The following NEK9 variants were observed in gnomAD, a reference collection of about 807,000 sequenced individuals.
The protein encoded by NEK9 is serine/threonine-protein kinase Nek9.
A neutral mutation model predicts 123.4 loss-of-function variants in NEK9; 75 were observed. The ratio of observed to expected loss-of-function variants is 0.61; its 90% CI spans 0.50 to 0.74. NEK9 has a LOEUF of 0.74. Ranked by LOEUF, NEK9 falls within the 30% of genes least tolerant of loss-of-function variation. NEK9 has a pLI of 0.00. For synonymous variants in NEK9, 438 were observed against 458.7 expected (o/e 0.95, Z 0.58); for missense variants, 952 against 1,214.4 (o/e 0.78, Z 3.21).
At chr14:75,111,323 C>T (rs1894952554) in intron 8 of NEK9, among the ~76,000 whole-genome samples, 1 of 152,188 alleles carries the variant, frequency 6.6e-6, no homozygotes, top group African/African-American at 2.4e-5. Context: ...GCTCAGGCAT[C>T]AGTACTTTTT....
At chr14:75,093,617 C>G (rs1894288802) in intron 18 of NEK9, among the ~76,000 whole-genome samples, 1 of 152,060 alleles carries the variant, frequency 6.6e-6, no homozygotes, top group South Asian at 2.1e-4. Flanking sequence ...CCATGCCTGG[C>G]TAATTTTTTT....
At chr14:75,088,744 C>T (rs1894109245) in intron 19 of NEK9, 103 bp from the exon 20 acceptor site, 2 of 1,045,198 alleles carry the variant, frequency 1.9e-6, no homozygotes, top group South Asian at 1.6e-5. Flanking sequence ...GACTTCAGCA[C>T]CCTCTAGTGG....
chr14:75,124,247 G>A (rs746356216), intron 1 of NEK9, 24 bp from the exon 2 acceptor site: 16 of 1,600,980 alleles, frequency 1.0e-5, no homozygotes, highest in Middle Eastern at 3.3e-4. Flanking sequence ...CAGAGGTATC[G>A]TGCTTTTCCT....
intron 8 of NEK9, among the ~76,000 whole-genome samples, chr14:75,113,027 A>G (rs1461442075): frequency 3.9e-5 from 6 of 152,180 alleles, no homozygotes; most frequent in African/African-American, 7.2e-5. Flanking sequence ...AGATACAAAC[A>G]TAAGGATGTC....
In NEK9 at chr14:75,084,430, G is replaced by C; in HGVS notation, c.*134C>G. 3.0e-6 allele frequency: 3 copies of C among 987,392 alleles called. No individual in the cohort carries two copies. Among genetic ancestry groups the C allele is most frequent in the South Asian group, 3.1e-5 (2 of 65,370 alleles). 61.2% of individuals were successfully genotyped at this position (987,392 alleles called of 1,614,324 possible). A position where few individuals can be genotyped will look rare whatever the true frequency, so the allele number is the denominator to read the frequency against. ...GCCACTCTCCAAATGTACAAGGAAA[G>C]TGCTTCAGAGCCTCTGCCTTGCGCT... On this transcript the variant is annotated 3_prime_UTR_variant, in exon 22 of 22. Coordinates refer to ENST00000238616, the MANE Select transcript of NEK9 (RefSeq NM_033116.6).
In NEK9 at chr14:75,106,625, G is replaced by A. The variant is rs1445046206; in HGVS notation, c.1405C>T (p.Leu469=). ...GVDKVAGPEV[L]EPMQLNFFLS... is the part of the protein sequence containing the mutation. ...AAGAAGTTCAGCTGCATGGGTTCTA[G>A]CACTTCAGGGCCAGCAACTTTGTCC... Residue 469 remains leucine, a synonymous_variant, in exon 12 of 22, where the codon CTA becomes TTA. Transcript: ENST00000238616. 6.2e-7 allele frequency: 1 copy of A among 1,614,076 alleles called. No homozygotes were observed. Among genetic ancestry groups the A allele is most frequent in the South Asian group, 1.1e-5 (1 of 91,086 alleles).
chr14:75,090,138 C>T (rs992060573), intron 19 of NEK9, among the ~76,000 whole-genome samples: 15 of 151,414 alleles, frequency 9.9e-5, no homozygotes, highest in African/African-American at 3.6e-4. Context: ...TGGCCCTGGC[C>T]TTATTTTTTT....
chr14:75,107,244 T>C, intron 11 of NEK9, 99 bp downstream of exon 11: 2 of 1,267,270 alleles, frequency 1.6e-6, no homozygotes, highest in South Asian at 1.4e-5. Flanking sequence ...GTTCTTTGTA[T>C]ACTGTCTTTT....
intron 8 of NEK9, among the ~76,000 whole-genome samples, chr14:75,113,131 C>T (rs985744552): frequency 1.3e-5 from 2 of 152,266 alleles, no homozygotes; most frequent in Middle Eastern, 3.4e-3. Context: ...TCTTGGGCCT[C>T]ATTAGTACAA....
chr14:75,114,164 G>A, intron 7 of NEK9, 39 bp downstream of exon 7: 1 of 1,416,572 alleles, frequency 7.1e-7, no homozygotes, highest in Non-Finnish European at 1.0e-6. Flanking sequence ...GCTGGAAGGG[G>A]AAATACGAAA....
intron 5 of NEK9, 57 bp downstream of exon 5, chr14:75,118,773 G>A: frequency 2.0e-6 from 2 of 992,670 alleles, no homozygotes; most frequent in Non-Finnish European, 3.2e-6. Context: ...AGGGAGTACA[G>A]TTATATTTCA....
intron 1 of NEK9, among the ~76,000 whole-genome samples, chr14:75,126,404 TA>T (rs918998247): frequency 1.3e-4 from 19 of 147,638 alleles, no homozygotes; most frequent in Middle Eastern, 3.2e-3. Flanking sequence ...AAGATAATCT[TA>T]AAAAAAAAAG....
intron 17 of NEK9, among the ~76,000 whole-genome samples, chr14:75,095,817 G>A (rs1433143463): frequency 2.0e-5 from 3 of 152,100 alleles, no homozygotes; most frequent in Non-Finnish European, 4.4e-5. Flanking sequence ...TTGAGCCTGG[G>A]AGAGCGAAAC....
chr14:75,105,863 A>G (rs1894753666), intron 13 of NEK9, 87 bp downstream of exon 13: 1 of 1,061,016 alleles, frequency 9.4e-7, no homozygotes, highest in Non-Finnish European at 1.4e-6. Context: ...AAATACCTTG[A>G]TACAACAGAG....
At chr14:75,112,946 T>C (rs1895005325) in intron 8 of NEK9, among the ~76,000 whole-genome samples, 1 of 152,350 alleles carries the variant, frequency 6.6e-6, no homozygotes, top group East Asian at 1.9e-4. Context: ...CCTGACCTCA[T>C]CTTACTTTAT....
chr14:75,106,636 C>T lies in NEK9; in HGVS notation c.1394G>A (p.Gly465Asp). The T allele has an allele frequency of 6.2e-7, 1 of 1,614,060 alleles. No homozygotes were observed. Among genetic ancestry groups the T allele is most frequent in the African/African-American group, 1.3e-5 (1 of 75,044 alleles). The change falls in exon 12 of 22, where the codon GGC becomes GAC. Residue 465 changes from glycine to aspartate, a missense_variant. By Grantham distance (94) the Gly-to-Asp change is moderately conservative. This residue lies in a region of NEK9 where 698 missense variants were observed against 875.6 expected (regional missense o/e 0.80). Transcript: ENST00000238616. ...YGCMGVDKVA[G>D]PEVLEPMQLN... Reference sequence around the variant, plus strand: ...CTGCATGGGTTCTAGCACTTCAGGGCCAGCAACTTTGTCCACCCCCATGCA... The same window carrying T: ...CTGCATGGGTTCTAGCACTTCAGGGTCAGCAACTTTGTCCACCCCCATGCA...
chr14:75,103,975 A>T lies in NEK9; in HGVS notation c.1598T>A (p.Ile533Asn), dbSNP rs1400056063. ...PQKVDVPKAL[I>N]IVAVQCGCDG... ...ACAGCCACATTGAACTGCAACAATA[A>T]TCAAGGCCTTGGGAACATCCACCTG... The change falls in exon 14 of 22, where the codon ATT (isoleucine) becomes AAT (asparagine). Residue 533 changes from isoleucine (I) to asparagine (N), a missense_variant. By Grantham distance (149) the Ile-to-Asn change is moderately radical (BLOSUM62 -3). This residue lies in a region of NEK9 where 698 missense variants were observed against 875.6 expected (regional missense o/e 0.80). Transcript: ENST00000238616. The T allele has an allele frequency of 6.2e-7, 1 of 1,613,612 alleles. No homozygotes were observed. Among genetic ancestry groups the T allele is most frequent in the Admixed American group, 1.7e-5 (1 of 59,860 alleles).
chr14:75,115,453 T>C (rs1296970319), intron 6 of NEK9, among the ~76,000 whole-genome samples: 5 of 152,114 alleles, frequency 3.3e-5, no homozygotes, highest in Non-Finnish European at 4.4e-5. Context: ...CCATACTATT[T>C]AGGAGAATTA....
chr14:75,120,890 C>A, intron 3 of NEK9: 1 of 635,740 alleles, frequency 1.6e-6, no homozygotes, highest in South Asian at 1.7e-5. Flanking sequence ...AGTAATAGAA[C>A]CAGGAAAGAA....
Sources: allele counts gnomAD v4.1 joint callset (sites outside exome capture counted in the v4.1 genomes callset), GRCh38; gene constraint gnomAD v4.1.1; regional missense constraint gnomAD v4.1.1; transcripts MANE v1.5; gene names NCBI Gene and HGNC (gene_info 2026-07-23, HGNC 2026-07-21).